The following STK17B variants were observed in gnomAD, a reference collection of about 807,000 sequenced individuals.
The protein encoded by STK17B is serine/threonine kinase 17b.
Under a neutral mutation model 42.0 loss-of-function variants are expected in STK17B, and 21 were observed. That is an observed-to-expected ratio of 0.50 (90% confidence interval 0.35 to 0.72). The LOEUF (loss-of-function observed/expected upper bound fraction) is 0.72, where lower values mean the gene tolerates loss of function less well. Ranked by LOEUF, STK17B falls within the 30% of genes least tolerant of loss-of-function variation. STK17B has a pLI of 0.00. For synonymous variants in STK17B, 143 were observed against 148.4 expected (o/e 0.96, Z 0.26); for missense variants, 349 against 446.0 (o/e 0.78, Z 1.96).
rs1559406279 is a variant in STK17B, at chr2:196,135,759, C to CA, written c.*1687dup. 1 of 107,914 alleles carries CA rather than the reference C, an allele frequency of 9.3e-6. No individual in the cohort carries two copies. The highest frequency in any genetic ancestry group is 3.1e-4 in the East Asian group (1 of 3,184). 6.7% of individuals were successfully genotyped at this position (107,914 alleles called of 1,614,324 possible). ...TGCCACTGCACTCCAGCCTGAGAGA[C>CA]AGAGCAAAACTCCATCTCAAAAAAA... On this transcript the variant is annotated 3_prime_UTR_variant, in exon 8 of 8. Coordinates refer to ENST00000263955, the MANE Select transcript of STK17B (RefSeq NM_004226.4).
At chr2:196,174,080 T>G (rs1340241587), upstream of STK17B, among the ~76,000 whole-genome samples, 2 of 152,200 alleles carry the variant, frequency 1.3e-5, no homozygotes, top group Admixed American at 1.3e-4. Context: ...CCTGCTGATA[T>G]CTTGATCAAC....
In STK17B at chr2:196,136,636, ATATT is replaced by A. The variant is rs1285192952; in HGVS notation, c.*807_*810del. ...AAATATGTTTGACTAAAAATACAGA[ATATT>A]TAACTATACCTAAGTATCTTCTACT... is the stretch of plus-strand genomic sequence containing the variant. On this transcript the variant is annotated 3_prime_UTR_variant, in exon 8 of 8. Transcript: ENST00000263955. 1 of 152,234 alleles carries A rather than the reference ATATT, an allele frequency of 6.6e-6. No individual in the cohort carries two copies. Among genetic ancestry groups the A allele is most frequent in the Non-Finnish European group, 1.5e-5 (1 of 68,044 alleles). The allele number at this position is 152,234 out of a possible 1,614,324, so 9.4% of individuals were successfully genotyped here.
intron 1 of STK17B, among the ~76,000 whole-genome samples, chr2:196,168,796 T>A (rs767715325): frequency 5.3e-5 from 8 of 152,184 alleles, no homozygotes; most frequent in Non-Finnish European, 1.2e-4. Context: ...TATAAGAACA[T>A]TTCTTAACTG....
At chr2:196,175,918 A>G (rs950859207), upstream of STK17B, among the ~76,000 whole-genome samples, 2 of 152,232 alleles carry the variant, frequency 1.3e-5, no homozygotes, top group Non-Finnish European at 2.9e-5. Flanking sequence ...ACCTACAGTG[A>G]GAGAAGTTGA....
intron 3 of STK17B, chr2:196,154,080 A>ATGGTGGC (rs1699705088): frequency 6.6e-6 from 1 of 152,166 alleles, no homozygotes; most frequent in Admixed American, 6.6e-5. Flanking sequence ...AGTAACATAC[A>ATGGTGGC]AAAAATTGCT....
intron 3 of STK17B, among the ~76,000 whole-genome samples, chr2:196,155,395 G>A (rs1472023623): frequency 6.6e-6 from 1 of 152,014 alleles, no homozygotes; most frequent in East Asian, 1.9e-4. Flanking sequence ...TTAACATTTT[G>A]CAAAATCTTC....
chr2:196,146,305 G>A (rs1377573733), intron 3 of STK17B, among the ~76,000 whole-genome samples: 4 of 152,080 alleles, frequency 2.6e-5, no homozygotes, highest in African/African-American at 9.7e-5. Context: ...TTGGGAGTTC[G>A]AGATCAGCTT....
chr2:196,163,502 T>A, intron 1 of STK17B, 75 bp from the exon 2 acceptor site: 2 of 1,131,520 alleles, frequency 1.8e-6, no homozygotes. Context: ...CAGCTCCAAA[T>A]ATAGCTATAA....
chr2:196,137,666 G>C lies in STK17B; in HGVS notation c.900C>G (p.Asn300Lys), dbSNP rs747337215. 1 of 1,614,064 alleles carries C rather than the reference G, an allele frequency of 6.2e-7. No individual in the cohort carries two copies. Among genetic ancestry groups the C allele is most frequent in the Admixed American group, 1.7e-5 (1 of 60,014 alleles). The change falls in exon 8 of 8, where the codon AAC (asparagine) becomes AAG (lysine). Residue 300 changes from asparagine to lysine, a missense_variant. Around this residue, in one of 3 missense-constraint regions of STK17B, gnomAD observed 6 missense variants for 19.6 expected, o/e 0.31. Transcript: ENST00000263955. ...TGGAAGTTTCTTCAGGGTGAAACAA[G>C]TTTTCAAAGTCCCACTGCTGTAGCC... Reference protein sequence around the residue: ...HSWLQQWDFENLFHPEETSSS... With the variant: ...HSWLQQWDFEKLFHPEETSSS...
intron 4 of STK17B, among the ~76,000 whole-genome samples, chr2:196,144,720 T>C (rs1319068985): frequency 6.6e-6 from 1 of 152,104 alleles, no homozygotes; most frequent in Non-Finnish European, 1.5e-5. Flanking sequence ...TAAAACCACG[T>C]GACTTTGCTT....
intron 2 of STK17B, 70 bp from the exon 3 acceptor site, chr2:196,156,721 G>T: frequency 1.7e-6 from 2 of 1,153,902 alleles, no homozygotes; most frequent in Non-Finnish European, 2.5e-6. Context: ...TACAGATTCT[G>T]TTATACCTCC....
intron 4 of STK17B, 51 bp downstream of exon 4, chr2:196,145,860 G>A (rs1699565516): frequency 1.3e-6 from 2 of 1,506,078 alleles, no homozygotes; most frequent in Non-Finnish European, 1.8e-6. Flanking sequence ...TGCATACTAA[G>A]AGCAGAAGAA....
intron 1 of STK17B, among the ~76,000 whole-genome samples, chr2:196,165,318 C>T (rs1252638802): frequency 6.6e-6 from 1 of 152,190 alleles, no homozygotes; most frequent in African/African-American, 2.4e-5. Flanking sequence ...TTCTAGCCTC[C>T]AGAATCGTTG....
chr2:196,158,356 T>G (rs534038594), intron 2 of STK17B, among the ~76,000 whole-genome samples: 6 of 152,320 alleles, frequency 3.9e-5, no homozygotes, highest in African/African-American at 1.2e-4. Flanking sequence ...AAACTATAAT[T>G]TGACTCTTCT....
chr2:196,167,809 T>G (rs77524273), intron 1 of STK17B, among the ~76,000 whole-genome samples: 1 of 152,298 alleles, frequency 6.6e-6, no homozygotes, highest in South Asian at 2.1e-4. Context: ...TAGATCATCA[T>G]GAAGTACATT....
chr2:196,173,946 G>T (rs1699976067), upstream of STK17B, among the ~76,000 whole-genome samples: 1 of 152,102 alleles, frequency 6.6e-6, no homozygotes, highest in African/African-American at 2.4e-5. Flanking sequence ...GATCCAAGAT[G>T]ACTGGTGTCC....
chr2:196,166,574 G>T (rs1352402124), intron 1 of STK17B, among the ~76,000 whole-genome samples: 2 of 152,166 alleles, frequency 1.3e-5, no homozygotes, highest in East Asian at 3.8e-4. Flanking sequence ...TAGAAGGTAA[G>T]ACACAATTAA....
chr2:196,136,781 T>A lies in STK17B; in HGVS notation c.*666A>T, dbSNP rs1699412020. 6.6e-6 allele frequency: 1 copy of A among 152,174 alleles called. No individual in the cohort carries two copies. Among genetic ancestry groups the A allele is most frequent in the South Asian group, 2.1e-4 (1 of 4,830 alleles). 9.4% of individuals were successfully genotyped at this position (152,174 alleles called of 1,614,324 possible). Reference sequence around the variant, plus strand: ...GAGGAAAAAGACATTTGCGTTAAAATACGAAGGCATGCTACTCTTTCCTCT... The same window carrying A: ...GAGGAAAAAGACATTTGCGTTAAAAAACGAAGGCATGCTACTCTTTCCTCT... On this transcript the variant is annotated 3_prime_UTR_variant, in exon 8 of 8. Transcript: ENST00000263955.
intron 2 of STK17B, among the ~76,000 whole-genome samples, chr2:196,161,670 C>T (rs1423537540): frequency 6.6e-6 from 1 of 151,810 alleles, no homozygotes; most frequent in African/African-American, 2.4e-5. Flanking sequence ...AGGCACACGC[C>T]ACCATGCCTG....
Sources: gnomAD v4.1 joint callset for allele counts (sites outside exome capture counted in the v4.1 genomes callset) on GRCh38, gnomAD v4.1.1 for gene constraint, gnomAD v4.1.1 regional missense constraint, MANE v1.5 for transcripts, NCBI Gene and HGNC (gene_info 2026-07-23, HGNC 2026-07-21) for gene names.